Variants in ALKBH5 observed in about 807,000 individuals in gnomAD.
The protein encoded by ALKBH5 is RNA demethylase ALKBH5.
Under a neutral mutation model 32.1 loss-of-function variants are expected in ALKBH5, and 2 were observed. That is an observed-to-expected ratio of 0.06 (90% CI 0.03 to 0.20). The LOEUF (loss-of-function observed/expected upper bound fraction) is 0.20. Ranked by LOEUF, ALKBH5 falls within the 10% of genes least tolerant of loss-of-function variation. The pLI, the probability that ALKBH5 is intolerant of heterozygous loss-of-function variation, is 1.00. For synonymous variants in ALKBH5, 300 were observed against 231.7 expected (o/e 1.29, Z -2.68); for missense variants, 352 against 559.5 (o/e 0.63, Z 3.74).
rs771220641 is a variant in ALKBH5, at chr17:18,184,360, C to CGCCGCA, written c.129_134dup (p.Ala47_Ala48dup). 74 of 1,516,604 alleles carry CGCCGCA rather than the reference C, an allele frequency of 4.9e-5. 1 individual carries two copies. The highest frequency in any genetic ancestry group is 1.0e-4 in the South Asian group (8 of 80,310). The allele number at this position is 1,516,604 out of a possible 1,614,324, so 93.9% of individuals were successfully genotyped here. A position where few individuals can be genotyped will look rare whatever the true frequency, so the allele number is the denominator to read the frequency against. Reference sequence around the variant, plus strand: ...CCGCCGCTGCCGCAGCCGCCGTAGCCGCCGCAGCCGCAGCCGCCGCTGCCG... The same window carrying CGCCGCA: ...CCGCCGCTGCCGCAGCCGCCGTAGCCGCCGCAGCCGCAGCCGCAGCCGCCGCTGCCG... On this transcript the variant is annotated inframe_insertion, in exon 1 of 4. Coordinates refer to ENST00000399138, the MANE Select transcript of ALKBH5 (RefSeq NM_017758.4).
Position 18,184,454 on chromosome 17 carries a change from T to A in ALKBH5, c.211T>A (p.Tyr71Asn). 6.2e-7 allele frequency: 1 copy of A among 1,611,042 alleles called. No individual in the cohort carries two copies. The part of the protein sequence containing the change: ...QEDSDPERSD[Y>N]EEQQLQKEEE... The stretch of plus-strand genomic sequence containing the variant: ...GGACTCGGACCCCGAGCGCAGCGAC[T>A]ATGAGGAGCAGCAGCTGCAGAAGGA... The change falls in exon 1 of 4, where the codon TAT becomes AAT. Residue 71 changes from tyrosine to asparagine, a missense_variant. Physicochemically the swap from Tyr to Asn is moderately radical, Grantham distance 143. Around this residue, in one of 4 missense-constraint regions of ALKBH5, gnomAD observed 144 missense variants for 125.8 expected, o/e 1.14. Transcript: ENST00000399138.
intron 1 of ALKBH5, among the ~76,000 whole-genome samples, chr17:18,186,828 A>G (rs948170570): frequency 1.3e-5 from 2 of 152,148 alleles, no homozygotes; most frequent in Admixed American, 1.3e-4. Context: ...CTTTGAATCC[A>G]GCTTTTCTCT....
intron 2 of ALKBH5, among the ~76,000 whole-genome samples, chr17:18,203,532 C>T (rs1320000331): frequency 2.0e-5 from 3 of 152,236 alleles, no homozygotes; most frequent in African/African-American, 4.8e-5. Context: ...TTGCTCTGAC[C>T]TTTGAATACT....
At position 18,183,899 on chromosome 17, in the gene ALKBH5, A is replaced by C. The variant is rs1041211443; in HGVS notation, c.-345A>C. On this transcript the variant is annotated 5_prime_UTR_variant, in exon 1 of 4. Transcript: ENST00000399138. ...CCGTGACGTCGTGCGGAGAGCTTTA[A>C]AGTGCGGGCCGGGCCGGGCGTCCGA... 1 of 480,322 alleles carries C rather than the reference A, an allele frequency of 2.1e-6. No homozygotes were observed. Among genetic ancestry groups the C allele is most frequent in the South Asian group, 1.7e-5 (1 of 59,182 alleles). 29.8% of individuals were successfully genotyped at this position (480,322 alleles called of 1,614,324 possible).
intron 1 of ALKBH5, among the ~76,000 whole-genome samples, chr17:18,186,078 A>G (rs192517948): frequency 2.1e-4 from 32 of 152,298 alleles, no homozygotes; most frequent in African/African-American, 7.5e-4. Flanking sequence ...AGCCTTCTTG[A>G]TATGAGATTA....
At chr17:18,191,314 C>G (rs2047173277) in intron 1 of ALKBH5, among the ~76,000 whole-genome samples, 1 of 152,158 alleles carries the variant, frequency 6.6e-6, no homozygotes, top group Non-Finnish European at 1.5e-5. Context: ...CTAGGAAGTT[C>G]TAGAAGACCA....
chr17:18,184,185 G>T lies in ALKBH5; in HGVS notation c.-59G>T. 1 of 1,418,142 alleles carries T rather than the reference G, an allele frequency of 7.1e-7. No homozygotes were observed. Among genetic ancestry groups the T allele is most frequent in the Non-Finnish European group, 9.3e-7 (1 of 1,073,124 alleles). 87.8% of individuals were successfully genotyped at this position (1,418,142 alleles called of 1,614,324 possible). On this transcript the variant is annotated 5_prime_UTR_variant, in exon 1 of 4. Transcript: ENST00000399138. ...GGGGGCCCCGGGGCGCGTCCCCTTA[G>T]AGCCATGCCCGGCTGCCCCGCCCGC...
intron 1 of ALKBH5, among the ~76,000 whole-genome samples, chr17:18,192,755 A>G (rs1050447759): frequency 6.6e-6 from 1 of 151,988 alleles, no homozygotes; most frequent in African/African-American, 2.4e-5. Context: ...CTTTTGCTGT[A>G]GTAATTCTCA....
At chr17:18,193,419 C>T (rs1352275127) in intron 1 of ALKBH5, among the ~76,000 whole-genome samples, 1 of 151,786 alleles carries the variant, frequency 6.6e-6, no homozygotes, top group South Asian at 2.1e-4. Context: ...TGGTGGGGTG[C>T]GCCTGTAGTC....
At chr17:18,204,688 C>T (rs1267508777) in intron 2 of ALKBH5, among the ~76,000 whole-genome samples, 1 of 151,838 alleles carries the variant, frequency 6.6e-6, no homozygotes, top group Non-Finnish European at 1.5e-5. Context: ...CTTGAAGTTG[C>T]AATGAGCCAA....
intron 1 of ALKBH5, 32 bp from the exon 2 acceptor site, chr17:18,194,922 CT>C: frequency 6.2e-7 from 1 of 1,608,528 alleles, no homozygotes; most frequent in Non-Finnish European, 8.5e-7. Flanking sequence ...TCTGTCTACT[CT>C]TCATGGTCAC....
intron 2 of ALKBH5, among the ~76,000 whole-genome samples, chr17:18,201,472 T>G (rs1336126985): frequency 6.6e-6 from 1 of 152,190 alleles, no homozygotes; most frequent in Non-Finnish European, 1.5e-5. Flanking sequence ...TCTAAACTCT[T>G]CCTGGCTGGG....
At position 18,208,327 on chromosome 17, in the gene ALKBH5, C is replaced by T. The variant is rs780133411; in HGVS notation, c.1116C>T (p.Tyr372=). The T allele has an allele frequency of 2.0e-5, 33 of 1,613,978 alleles. No individual in the cohort carries two copies. Among genetic ancestry groups the T allele is most frequent in the South Asian group, 1.5e-4 (14 of 91,084 alleles). The change falls in exon 4 of 4, where the codon TAC becomes TAT. Residue 372 remains tyrosine (Y), a synonymous_variant. Transcript: ENST00000399138. ...CTGAGAACTACTGGCGCAAGTCATA[C>T]GAGTCCTCAGAGGACTGCTCTGAGG... The part of the protein sequence containing the change: ...FSSENYWRKS[Y]ESSEDCSEAA...
rs1416725227 is a variant in ALKBH5 at position 18,184,250 on chromosome 17, G to A, written c.7G>A (p.Ala3Thr). Residue 3 changes from alanine (A) to threonine (T), a missense_variant, in exon 1 of 4, where the codon GCC (alanine) becomes ACC (threonine). Ala to Thr is a moderately conservative substitution (Grantham distance 58). Around this residue, in one of 4 missense-constraint regions of ALKBH5, gnomAD observed 144 missense variants for 125.8 expected, o/e 1.14. Transcript: ENST00000399138. MA[A>T]ASGYTDLREK... ...GAGCAGCGTCGTGGGGGCCATGGCG[G>A]CCGCCAGCGGCTACACGGACCTGCG... 2.0e-6 allele frequency: 3 copies of A among 1,516,032 alleles called. No homozygotes were observed. The highest frequency in any genetic ancestry group is 2.6e-6 in the Non-Finnish European group (3 of 1,137,230). 93.9% of individuals were successfully genotyped at this position (1,516,032 alleles called of 1,614,324 possible). A position where few individuals can be genotyped will look rare whatever the true frequency, so the allele number is the denominator to read the frequency against.
At chr17:18,194,025 C>T (rs760045981) in intron 1 of ALKBH5, among the ~76,000 whole-genome samples, 19 of 152,166 alleles carry the variant, frequency 1.2e-4, no homozygotes, top group South Asian at 2.1e-4. Flanking sequence ...ATTGGAATGA[C>T]GCTAGCTGAG....
intron 1 of ALKBH5, among the ~76,000 whole-genome samples, chr17:18,192,589 CA>C: frequency 6.6e-6 from 1 of 152,286 alleles, no homozygotes; most frequent in South Asian, 2.1e-4. Context: ...TGTGATTTAA[CA>C]AAGGTCACAA....
chr17:18,191,703 C>T (rs1260378438), intron 1 of ALKBH5, among the ~76,000 whole-genome samples: 1 of 152,150 alleles, frequency 6.6e-6, no homozygotes, highest in Non-Finnish European at 1.5e-5. Flanking sequence ...AGCATGGTGG[C>T]TCACACTTGT....
intron 2 of ALKBH5, 90 bp downstream of exon 2, chr17:18,195,125 A>G: frequency 9.8e-7 from 1 of 1,022,902 alleles, no homozygotes; most frequent in African/African-American, 1.6e-5. Context: ...GCTCCTATGT[A>G]TCAGTGGCAT....
chr17:18,190,524 A>G (rs1198979606), intron 1 of ALKBH5, among the ~76,000 whole-genome samples: 4 of 147,416 alleles, frequency 2.7e-5, no homozygotes, highest in Admixed American at 1.4e-4. Flanking sequence ...ATTCCAGCCT[A>G]GGCAACAGAG....
Sources: allele counts gnomAD v4.1 joint callset (sites outside exome capture counted in the v4.1 genomes callset), GRCh38; gene constraint gnomAD v4.1.1; regional missense constraint gnomAD v4.1.1; transcripts MANE v1.5; gene names NCBI Gene and HGNC (gene_info 2026-07-23, HGNC 2026-07-21).